The following TJP1 variants were observed in gnomAD, a reference collection of about 807,000 sequenced individuals.
TJP1 encodes the protein tight junction protein 1, also known as tight junction protein ZO-1.
Under a neutral mutation model 194.2 loss-of-function variants are expected in TJP1, and 43 were observed. The observed-to-expected ratio is 0.22, with a 90% CI of 0.17 to 0.29. The LOEUF is 0.29. Among genes scored for constraint, TJP1 ranks in the 10% least tolerant of loss-of-function variants. The probability of loss-of-function intolerance (pLI) is 1.00; values close to 1 mark genes in which losing one functional copy is unlikely to be tolerated. For missense variants in TJP1, 1,971 were observed against 2,185.7 expected, an observed-to-expected ratio of 0.90 and a Z score of 1.96; for synonymous variants, 801 against 779.0, an observed-to-expected ratio of 1.03 and a Z score of -0.47.
chr15:29,906,554 A>C (rs2045571749), intron 2 of TJP1, among the ~76,000 whole-genome samples: 1 of 151,760 alleles, frequency 6.6e-6, no homozygotes, highest in African/African-American at 2.4e-5. Flanking sequence ...TTCTTGAAAA[A>C]TACTGGGTTT....
chr15:29,812,172 T>TA (rs2049567585), intron 1 of TJP1, among the ~76,000 whole-genome samples: 1 of 152,180 alleles, frequency 6.6e-6, no homozygotes, highest in Non-Finnish European at 1.5e-5. Flanking sequence ...AAGTAAAACT[T>TA]AAGAGTTGCT....
intron 2 of TJP1, among the ~76,000 whole-genome samples, chr15:29,920,228 T>A (rs148611612): frequency 6.6e-6 from 1 of 152,316 alleles, no homozygotes; most frequent in East Asian, 1.9e-4. Flanking sequence ...AACATGTTTT[T>A]CTTGTTACTT....
intron 13 of TJP1, 132 bp downstream of exon 13, chr15:29,732,962 C>T: frequency 1.6e-6 from 2 of 1,261,702 alleles, no homozygotes; most frequent in Middle Eastern, 2.1e-4. Context: ...GTTTGTAAAC[C>T]TAAGTCAGTT....
intron 2 of TJP1, among the ~76,000 whole-genome samples, chr15:29,797,264 C>T (rs2048474099): frequency 6.6e-6 from 1 of 152,166 alleles, no homozygotes; most frequent in Non-Finnish European, 1.5e-5. Flanking sequence ...ATTCTCCTGC[C>T]TCAGCCTCCC....
intron 2 of TJP1, among the ~76,000 whole-genome samples, chr15:29,949,435 C>T (rs2055468783): frequency 8.1e-5 from 12 of 147,268 alleles, no homozygotes; most frequent in South Asian, 2.2e-4. Flanking sequence ...CAACCACCAC[C>T]TCCACCTCCA....
In TJP1 at chr15:29,720,471, C is replaced by G. The variant is rs2042862856; in HGVS notation, c.2650G>C (p.Asp884His). ...ITRSSEPVRE[D>H]SSGMHHENQT... is the part of the protein sequence containing the mutation. ...TTTTCATGATGCATTCCAGAGGAGT[C>G]CTCTCTTACAGGCTCAGAGGACCGT... The change falls in exon 19 of 28, where the codon GAC becomes CAC. Residue 884 changes from aspartate (D) to histidine (H), a missense_variant. Transcript: ENST00000614355. The G allele has an allele frequency of 6.2e-7, 1 of 1,613,984 alleles. No homozygotes were observed. The highest frequency in any genetic ancestry group is 8.5e-7 in the Non-Finnish European group (1 of 1,180,038).
At chr15:29,817,187 C>CA (rs915271344) in intron 1 of TJP1, among the ~76,000 whole-genome samples, 16 of 151,102 alleles carry the variant, frequency 1.1e-4, no homozygotes, top group African/African-American at 1.7e-4. Context: ...TTTATGCTGC[C>CA]AAAAAAAAGG....
intron 2 of TJP1, among the ~76,000 whole-genome samples, chr15:29,837,453 G>A (rs1380542193): frequency 6.6e-6 from 1 of 152,164 alleles, no homozygotes; most frequent in Non-Finnish European, 1.5e-5. Context: ...AGCTACTCAG[G>A]AGGCTGAGGC....
chr15:29,938,783 A>C (rs2054968421), intron 2 of TJP1, among the ~76,000 whole-genome samples: 1 of 152,240 alleles, frequency 6.6e-6, no homozygotes, highest in Non-Finnish European at 1.5e-5. Flanking sequence ...TCATAAATTT[A>C]AGTAGAGTTA....
Position 29,710,988 on chromosome 15 carries a change from A to G in TJP1, c.4215T>C (p.Pro1405=). Residue 1405 remains proline, a synonymous_variant, in exon 24 of 28, where the codon CCT becomes CCC. Coordinates refer to ENST00000614355, the MANE Select transcript of TJP1 (RefSeq NM_001330239.4). Reference sequence around the variant, plus strand: ...ATGATCTATCCACACCATCAGCTTCAGGAGGCTTTCCCCTGTTAACAAATG... The same window carrying G: ...ATGATCTATCCACACCATCAGCTTCGGGAGGCTTTCCCCTGTTAACAAATG... ...FSSYSSKGKP[P]EADGVDRSFG... is the part of the protein sequence containing the mutation. 6.2e-7 allele frequency: 1 copy of G among 1,601,780 alleles called. No individual in the cohort carries two copies. Among genetic ancestry groups the G allele is most frequent in the Non-Finnish European group, 8.5e-7 (1 of 1,172,330 alleles).
intron 2 of TJP1, among the ~76,000 whole-genome samples, chr15:29,876,140 C>T (rs1432021268): frequency 2.0e-5 from 3 of 152,230 alleles, no homozygotes; most frequent in Non-Finnish European, 2.9e-5. Flanking sequence ...CATTGCTCTA[C>T]ATTAAGCTTG....
At chr15:29,708,221 G>A (rs894334343) in intron 25 of TJP1, among the ~76,000 whole-genome samples, 5 of 149,196 alleles carry the variant, frequency 3.4e-5, no homozygotes, top group African/African-American at 1.2e-4. Context: ...AAAAAAGCAT[G>A]GGCTCAGAGG....
chr15:29,968,089 T>C (rs1221747579), intron 1 of TJP1: 1 of 985,352 alleles, frequency 1.0e-6, no homozygotes, highest in African/African-American at 1.7e-5. Flanking sequence ...AGGATGTTTT[T>C]TCCTCATTAC....
At chr15:29,820,026 C>G (rs2050215164) in intron 1 of TJP1, among the ~76,000 whole-genome samples, 1 of 152,114 alleles carries the variant, frequency 6.6e-6, no homozygotes, top group Non-Finnish European at 1.5e-5. Flanking sequence ...ATCTAAACAG[C>G]AGCATATTCA....
In TJP1 at chr15:29,704,192, A is replaced by C; in HGVS notation, c.5182T>G (p.Phe1728Val). 2.5e-6 allele frequency: 4 copies of C among 1,573,450 alleles called. No homozygotes were observed. The highest frequency in any genetic ancestry group is 3.5e-6 in the Non-Finnish European group (4 of 1,158,398). ...CASMTPDGWS[F>V]ALKSSDSSSG... ...GAGGAGTCGGATGATTTTAGAGCAAAAGACCAACCGTCAGGAGTCATGGAC... is the reference window on the plus strand; with the variant it reads ...GAGGAGTCGGATGATTTTAGAGCAACAGACCAACCGTCAGGAGTCATGGAC... Residue 1728 changes from phenylalanine (F) to valine (V), a missense_variant, in exon 27 of 28, where the codon TTT becomes GTT. Physicochemically the swap from Phe to Val is conservative, Grantham distance 50 (BLOSUM62 -1). This residue lies in a region of TJP1 where 1,108 missense variants were observed against 1,128.5 expected (regional missense o/e 0.98). Transcript: ENST00000614355.
At chr15:29,883,141 A>G (rs562458541) in intron 2 of TJP1, among the ~76,000 whole-genome samples, 1 of 152,306 alleles carries the variant, frequency 6.6e-6, no homozygotes, top group South Asian at 2.1e-4. Context: ...ATTTTATACA[A>G]CCCAAAGCCC....
At chr15:29,779,545 T>G (rs1406124198) in intron 2 of TJP1, among the ~76,000 whole-genome samples, 1 of 152,220 alleles carries the variant, frequency 6.6e-6, no homozygotes, top group African/African-American at 2.4e-5. Flanking sequence ...GCTTGCTAGT[T>G]CAATATATTC....
chr15:29,882,050 C>T (rs2052953960), intron 2 of TJP1, among the ~76,000 whole-genome samples: 1 of 151,812 alleles, frequency 6.6e-6, no homozygotes, highest in Non-Finnish European at 1.5e-5. Context: ...TAACATTAAA[C>T]CTAGGGATGG....
At chr15:29,908,770 G>A (rs1048579458) in intron 2 of TJP1, among the ~76,000 whole-genome samples, 1 of 152,112 alleles carries the variant, frequency 6.6e-6, no homozygotes, top group African/African-American at 2.4e-5. Flanking sequence ...TGTAATCCCA[G>A]CACTCTGGGA....
Sources: allele counts gnomAD v4.1 joint callset (sites outside exome capture counted in the v4.1 genomes callset), GRCh38; gene constraint gnomAD v4.1.1; regional missense constraint gnomAD v4.1.1; transcripts MANE v1.5; gene names NCBI Gene and HGNC (gene_info 2026-07-23, HGNC 2026-07-21).